HSPA13: variants seen among roughly 807,000 people sequenced by gnomAD.
HSPA13 encodes heat shock protein family A (Hsp70) member 13.
A neutral mutation model predicts 38.8 loss-of-function variants in HSPA13; 29 were observed. The ratio of observed to expected loss-of-function variants is 0.75; its 90% CI spans 0.56 to 1.02. HSPA13 has a LOEUF of 1.02. Ranked by LOEUF, HSPA13 falls within the 50% of genes least tolerant of loss-of-function variation. The pLI is 0.00. For synonymous variants in HSPA13, 192 were observed against 205.3 expected, an observed-to-expected ratio of 0.94 and a Z score of 0.56; for missense variants, 451 against 560.9, an observed-to-expected ratio of 0.80 and a Z score of 1.98.
chr21:14,375,756 T>C lies in HSPA13; in HGVS notation c.644A>G (p.Lys215Arg), dbSNP rs377627633. ...CACCAAGACGTGGAAGACGTCAGCC[T>C]TGTGGAGACCATAGGCCATAGCTGC... ...TAAAMAYGLH[K>R]ADVFHVLVID... Residue 215 changes from lysine (K) to arginine (R), a missense_variant, in exon 4 of 5, where the codon AAG becomes AGG. Coordinates refer to ENST00000285667, the MANE Select transcript of HSPA13 (RefSeq NM_006948.5). The C allele has an allele frequency of 1.2e-6, 2 of 1,614,182 alleles. No homozygotes were observed. The highest frequency in any genetic ancestry group is 1.7e-6 in the Non-Finnish European group (2 of 1,179,992).
At chr21:14,377,328 G>C (rs1157420857) in intron 3 of HSPA13, among the ~76,000 whole-genome samples, 1 of 152,056 alleles carries the variant, frequency 6.6e-6, no homozygotes, top group African/African-American at 2.4e-5. Context: ...ATCTATCTCA[G>C]ATTTTACTTA....
At chr21:14,380,868 A>T (rs1984150501) in intron 2 of HSPA13, among the ~76,000 whole-genome samples, 1 of 152,218 alleles carries the variant, frequency 6.6e-6, no homozygotes, top group Non-Finnish European at 1.5e-5. Flanking sequence ...TGTTCTCTTT[A>T]TATGTATATA....
intron 2 of HSPA13, among the ~76,000 whole-genome samples, chr21:14,380,465 A>G (rs937243862): frequency 6.6e-6 from 1 of 152,102 alleles, no homozygotes; most frequent in Non-Finnish European, 1.5e-5. Flanking sequence ...ATAAAAATTA[A>G]TACAGGATAC....
At chr21:14,382,460 A>G (rs1984194367) in intron 1 of HSPA13, among the ~76,000 whole-genome samples, 1 of 152,184 alleles carries the variant, frequency 6.6e-6, no homozygotes, top group Non-Finnish European at 1.5e-5. Context: ...CTCATATTAC[A>G]TATGACCCAA....
chr21:14,378,068 A>C (rs1172865421), intron 3 of HSPA13, 131 bp downstream of exon 3: 1 of 667,838 alleles, frequency 1.5e-6, no homozygotes, highest in Non-Finnish European at 2.6e-6. Flanking sequence ...GAGAACCCTA[A>C]TACACCTACC....
intron 1 of HSPA13, among the ~76,000 whole-genome samples, 190 bp downstream of exon 1, chr21:14,382,905 G>A (rs1360052115): frequency 6.6e-6 from 1 of 152,058 alleles, no homozygotes; most frequent in Non-Finnish European, 1.5e-5. Flanking sequence ...TGCAGGGGCC[G>A]GGGCCCTCCT....
chr21:14,381,467 A>G lies in HSPA13; in HGVS notation c.102T>C (p.Ile34=). 6.2e-7 allele frequency: 1 copy of G among 1,614,192 alleles called. No homozygotes were observed. The highest frequency in any genetic ancestry group is 8.5e-7 in the Non-Finnish European group (1 of 1,180,012). The change falls in exon 2 of 5, where the codon ATT becomes ATC. Residue 34 remains isoleucine, a synonymous_variant. Transcript: ENST00000285667. ...QYLPLPTPKV[I]GIDLGTTYCS... ...AATAGGTGGTGCCAAGATCAATACC[A>G]ATCACTTTAGGAGTAGGCAATGGTA... is the stretch of plus-strand genomic sequence containing the variant.
In HSPA13 at chr21:14,373,723, A is replaced by G; in HGVS notation, c.1310T>C (p.Val437Ala). The change falls in exon 5 of 5, where the codon GTA becomes GCA. Residue 437 changes from valine to alanine, a missense_variant. Coordinates refer to ENST00000285667, the MANE Select transcript of HSPA13 (RefSeq NM_006948.5). The part of the protein sequence containing the change: ...NTSVDPDLAV[V>A]TGVAIQAGID... ...CCCTGCTTGGATAGCCACTCCCGTT[A>G]CTACTGCTAGGTCAGGGTCTACAGA... 6.2e-7 allele frequency: 1 copy of G among 1,614,178 alleles called. No individual in the cohort carries two copies. The highest frequency in any genetic ancestry group is 1.7e-5 in the Admixed American group (1 of 60,024).
In HSPA13 at chr21:14,371,300, A is replaced by G. The variant is rs1982820567; in HGVS notation, c.*2317T>C. ...CACAGTACCAAAACATTCCTGATAC[A>G]AAATAAGTTACTCATTCACATATTC... is the stretch of plus-strand genomic sequence containing the variant. On this transcript the variant is annotated 3_prime_UTR_variant, in exon 5 of 5. Transcript: ENST00000285667. 2 of 152,758 alleles carry G rather than the reference A, an allele frequency of 1.3e-5. No homozygotes were observed. Among genetic ancestry groups the G allele is most frequent in the East Asian group, 1.9e-4 (1 of 5,194 alleles). The allele number at this position is 152,758 out of a possible 1,614,324, so 9.5% of individuals were successfully genotyped here.
In HSPA13 at chr21:14,381,613, G is replaced by C. The variant is rs1984172463; in HGVS notation, c.26-70C>G. 1.4e-5 allele frequency: 18 copies of C among 1,300,052 alleles called. No homozygotes were observed. In the South Asian group the frequency reaches 1.4e-4, roughly 10 times the overall value. 80.5% of individuals were successfully genotyped at this position (1,300,052 alleles called of 1,614,324 possible). On this transcript the variant is annotated intron_variant, in intron 1 of 4. Transcript: ENST00000285667. ...CAATGTACTAAATTACTGTAGCAAA[G>C]TCCCTTTAATATCACTCGTTGAAAC...
chr21:14,382,027 C>A (rs1453991931), intron 1 of HSPA13, among the ~76,000 whole-genome samples: 1 of 152,168 alleles, frequency 6.6e-6, no homozygotes, highest in African/African-American at 2.4e-5. Context: ...ATTCTCTCCT[C>A]GTATCTCACC....
chr21:14,382,943 G>C lies in HSPA13; in HGVS notation c.25+152C>G, dbSNP rs369419606. 12 of 961,082 alleles carry C rather than the reference G, an allele frequency of 1.2e-5. No individual in the cohort carries two copies. The South Asian group carries it at 1.7e-4, about 13-fold the overall frequency. The allele number at this position is 961,082 out of a possible 1,614,324, so 59.5% of individuals were successfully genotyped here. Reference sequence around the variant, plus strand: ...AGGCGTCCCCGCCCCCATCCACTCCGAACAGCCGAAAACCGTCTCTAAGTC... The same window carrying C: ...AGGCGTCCCCGCCCCCATCCACTCCCAACAGCCGAAAACCGTCTCTAAGTC... On this transcript the variant is annotated intron_variant, in intron 1 of 4. Transcript: ENST00000285667.
chr21:14,374,171 A>G lies in HSPA13; in HGVS notation c.862T>C (p.Leu288=), dbSNP rs1306554500. ...TTGACCATTTCCACAGCTTGTCTCA[A>G]TCTGTGGATTTCCTCTTTCCTAGAG... ...VPSRKEEIHR[L]RQAVEMVKLN... The change falls in exon 5 of 5, where the codon TTG becomes CTG. Residue 288 remains leucine, a synonymous_variant. Coordinates refer to ENST00000285667, the MANE Select transcript of HSPA13 (RefSeq NM_006948.5). 1.1e-5 allele frequency: 17 copies of G among 1,613,778 alleles called. No individual in the cohort carries two copies. The Admixed American group carries it at 2.2e-4, about 21-fold the overall frequency.
rs373118909 is a variant in HSPA13 at position 14,383,146 on chromosome 21, T to C, written c.-27A>G. 3.5e-5 allele frequency: 56 copies of C among 1,613,876 alleles called. No homozygotes were observed. The African/African-American group carries it at 6.9e-4, about 20-fold the overall frequency. The stretch of plus-strand genomic sequence containing the variant: ...ACAGTCCCGCCGAACAGGCTTGTGA[T>C]GACTGTACCAGACGTGAGGCACCGC... On this transcript the variant is annotated 5_prime_UTR_variant, in exon 1 of 5. Transcript: ENST00000285667.
intron 3 of HSPA13, among the ~76,000 whole-genome samples, chr21:14,376,765 C>A (rs1212778867): frequency 2.0e-5 from 3 of 152,220 alleles, no homozygotes; most frequent in Non-Finnish European, 4.4e-5. Flanking sequence ...CTTCTTCCTA[C>A]AACACACTTT....
chr21:14,374,340 C>G, intron 4 of HSPA13, 56 bp from the exon 5 acceptor site: 1 of 1,225,728 alleles, frequency 8.2e-7, no homozygotes, highest in Admixed American at 2.0e-5. Flanking sequence ...TATGTATACA[C>G]GTATGTTATT....
chr21:14,380,347 A>C (rs1367507454), intron 2 of HSPA13, among the ~76,000 whole-genome samples: 2 of 151,922 alleles, frequency 1.3e-5, no homozygotes, highest in African/African-American at 2.4e-5. Context: ...TAAGGAAAAG[A>C]AAAACACACC....
rs116625237 is a variant in HSPA13, at chr21:14,377,731, G to A, written c.580+468C>T. Among the ~76,000 whole-genome samples, 756 of 152,326 alleles carry A rather than the reference G, an allele frequency of 5.0e-3. 3 individuals carry two copies. The highest frequency in any genetic ancestry group is 0.018 in the African/African-American group (734 of 41,556). On this transcript the variant is annotated intron_variant, in intron 3 of 4. Transcript: ENST00000285667. The stretch of plus-strand genomic sequence containing the variant: ...TAAAAGCAGGCAGAAGAATGTCGGA[G>A]GATTAGACTGCCTGAGTCTTCTGGC...
At position 14,373,495 on chromosome 21, in the gene HSPA13, T is replaced by G. The variant is rs1982876428; in HGVS notation, c.*122A>C. On this transcript the variant is annotated 3_prime_UTR_variant, in exon 5 of 5. Coordinates refer to ENST00000285667, the MANE Select transcript of HSPA13 (RefSeq NM_006948.5). ...ACACTATGTAAAATTTTCCTGTATC[T>G]AAATGTTGCCCTCTAGGTAAATCTG... is the stretch of plus-strand genomic sequence containing the variant. The G allele has an allele frequency of 1.2e-6, 1 of 832,146 alleles. No homozygotes were observed. Among genetic ancestry groups the G allele is most frequent in the South Asian group, 1.8e-5 (1 of 54,382 alleles). 51.5% of individuals were successfully genotyped at this position (832,146 alleles called of 1,614,324 possible).
Sources: gnomAD v4.1 joint callset for allele counts (sites outside exome capture counted in the v4.1 genomes callset) on GRCh38, gnomAD v4.1.1 for gene constraint, MANE v1.5 for transcripts, NCBI Gene and HGNC (gene_info 2026-07-23, HGNC 2026-07-21) for gene names.